The following ETV1 variants were observed in gnomAD, a reference collection of about 807,000 sequenced individuals.
ETV1 encodes the protein ETS variant transcription factor 1, also known as ETS translocation variant 1.
A neutral mutation model predicts 62.3 loss-of-function variants in ETV1; 27 were observed. The observed-to-expected ratio is 0.43, with a 90% CI of 0.32 to 0.60. The LOEUF (loss-of-function observed/expected upper bound fraction) is 0.60. ETV1 is among the 20% of genes least tolerant of loss of function. The pLI, the probability that ETV1 is intolerant of heterozygous loss-of-function variation, is 0.06. For synonymous variants in ETV1, 222 were observed against 199.6 expected, an observed-to-expected ratio of 1.11 and a Z score of -0.94; for missense variants, 605 against 605.8, an observed-to-expected ratio of 1.00 and a Z score of 0.01.
At chr7:13,949,301 C>T (rs1251117314) in intron 6 of ETV1, among the ~76,000 whole-genome samples, 4 of 152,144 alleles carry the variant, frequency 2.6e-5, no homozygotes, top group African/African-American at 2.4e-5. Flanking sequence ...TAGGAATACA[C>T]TCAGTAGATG....
chr7:13,977,250 C>G (rs999408228), intron 6 of ETV1, among the ~76,000 whole-genome samples, 177 bp downstream of exon 6: 1 of 152,178 alleles, frequency 6.6e-6, no homozygotes, highest in Non-Finnish European at 1.5e-5. Flanking sequence ...CTGCTCAAAA[C>G]AGAGTTTCTG....
intron 11 of ETV1, among the ~76,000 whole-genome samples, chr7:13,908,567 A>G (rs1257777315): frequency 6.6e-6 from 1 of 152,120 alleles, no homozygotes; most frequent in Non-Finnish European, 1.5e-5. Flanking sequence ...GTAGAATAAA[A>G]CCAAAAATGT....
chr7:13,921,535 A>C (rs1319363079), intron 9 of ETV1, among the ~76,000 whole-genome samples: 2 of 152,214 alleles, frequency 1.3e-5, no homozygotes, highest in Non-Finnish European at 2.9e-5. Context: ...TGCAGTAAAC[A>C]GTCCCTGTGT....
In ETV1 at chr7:13,894,016, C is replaced by T. The variant is rs1018153884; in HGVS notation, c.*1850G>A. The T allele has an allele frequency of 8.6e-6, 2 of 232,854 alleles. No individual in the cohort carries two copies. The highest frequency in any genetic ancestry group is 2.2e-5 in the African/African-American group (1 of 45,340). 14.4% of individuals were successfully genotyped at this position (232,854 alleles called of 1,614,324 possible). Reference sequence around the variant, plus strand: ...TTTTGGTGTTTGGGTTTCTTGATAACTGCTCCACTTAGAGAAATGAGCTGT... The same window carrying T: ...TTTTGGTGTTTGGGTTTCTTGATAATTGCTCCACTTAGAGAAATGAGCTGT... On this transcript the variant is annotated 3_prime_UTR_variant, in exon 14 of 14. Transcript: ENST00000430479.
At chr7:13,943,162 A>G (rs1312874539) in intron 6 of ETV1, among the ~76,000 whole-genome samples, 1 of 152,226 alleles carries the variant, frequency 6.6e-6, no homozygotes, top group Non-Finnish European at 1.5e-5. Flanking sequence ...ATGGGCAAAA[A>G]GTCTTGAAAC....
At chr7:13,909,573 C>T (rs576738744) in intron 11 of ETV1, 59 bp downstream of exon 11, 24 of 1,221,874 alleles carry the variant, frequency 2.0e-5, no homozygotes, top group Admixed American at 1.1e-4. Flanking sequence ...TCAGAAGAAG[C>T]GAAGGTAATC....
At chr7:13,954,673 C>T (rs1320812772) in intron 6 of ETV1, among the ~76,000 whole-genome samples, 3 of 152,098 alleles carry the variant, frequency 2.0e-5, no homozygotes, top group Non-Finnish European at 4.4e-5. Flanking sequence ...TTTGAATGGT[C>T]TTAAATTGAC....
intron 9 of ETV1, among the ~76,000 whole-genome samples, chr7:13,922,385 T>A (rs1473086122): frequency 1.3e-5 from 2 of 152,144 alleles, no homozygotes; most frequent in African/African-American, 2.4e-5. Flanking sequence ...ATCCCAGCAA[T>A]AATACAATTT....
At chr7:13,903,700 T>C (rs1454357901) in intron 12 of ETV1, among the ~76,000 whole-genome samples, 5 of 149,084 alleles carry the variant, frequency 3.4e-5, no homozygotes, top group African/African-American at 7.5e-5. Flanking sequence ...GAGGCAGAGA[T>C]TGCAGTGAGC....
At chr7:13,988,886 C>T (rs1782810698) in intron 3 of ETV1, 122 bp downstream of exon 3, 1 of 1,552,662 alleles carries the variant, frequency 6.4e-7, no homozygotes, top group Non-Finnish European at 8.8e-7. Context: ...CCTACAGTGG[C>T]AACAAAGCAG....
chr7:13,938,983 A>T, intron 7 of ETV1, 134 bp downstream of exon 7: 1 of 794,706 alleles, frequency 1.3e-6, no homozygotes, highest in Non-Finnish European at 2.0e-6. Context: ...GAGTTCTGCT[A>T]AATGCATTAC....
At chr7:13,927,816 C>G (rs939773898) in intron 9 of ETV1, among the ~76,000 whole-genome samples, 1 of 152,096 alleles carries the variant, frequency 6.6e-6, no homozygotes, top group Non-Finnish European at 1.5e-5. Context: ...TAAATCCTGT[C>G]AGAAAGATAC....
intron 6 of ETV1, among the ~76,000 whole-genome samples, chr7:13,948,497 T>A (rs1788425412): frequency 6.6e-6 from 1 of 152,208 alleles, no homozygotes; most frequent in African/African-American, 2.4e-5. Context: ...TTTAGAATAG[T>A]CTTCTGTATG....
chr7:13,896,132 G>C (rs774755435), intron 13 of ETV1, 45 bp from the exon 14 acceptor site: 4 of 1,518,832 alleles, frequency 2.6e-6, no homozygotes, highest in South Asian at 2.3e-5. Context: ...ACCATCGCCA[G>C]ATGGGGAAGG....
At position 13,891,642 on chromosome 7, in the gene ETV1, A is replaced by G. The variant is rs1348375062; in HGVS notation, c.*4224T>C. 4.3e-6 allele frequency: 1 copy of G among 231,814 alleles called. No individual in the cohort carries two copies. Among genetic ancestry groups the G allele is most frequent in the African/African-American group, 2.2e-5 (1 of 45,270 alleles). The allele number at this position is 231,814 out of a possible 1,614,324, so 14.4% of individuals were successfully genotyped here. A position where few individuals can be genotyped will look rare whatever the true frequency, so the allele number is the denominator to read the frequency against. On this transcript the variant is annotated 3_prime_UTR_variant, in exon 14 of 14. Transcript: ENST00000430479. ...AAAGAAGTCCTAAAAGTACTAGTTGAGCTCTGAATAAACTGGGTGAAATTT... is the reference window on the plus strand; with the variant it reads ...AAAGAAGTCCTAAAAGTACTAGTTGGGCTCTGAATAAACTGGGTGAAATTT...
At chr7:13,972,448 G>C (rs185187083) in intron 6 of ETV1, among the ~76,000 whole-genome samples, 1 of 152,168 alleles carries the variant, frequency 6.6e-6, no homozygotes, top group East Asian at 1.9e-4. Context: ...AAATAAGATT[G>C]AAAATATAAC....
chr7:13,911,443 A>T lies in ETV1; in HGVS notation c.803-136T>A, dbSNP rs555425143. The T allele has an allele frequency of 6.5e-6, 4 of 613,014 alleles. No individual in the cohort carries two copies. The African/African-American group carries it at 7.3e-5, about 11-fold the overall frequency. 38.0% of individuals were successfully genotyped at this position (613,014 alleles called of 1,614,324 possible). On this transcript the variant is annotated intron_variant, in intron 9 of 13. Transcript: ENST00000430479. ...TGGGGAACATGTCAACATATAATCAACATTTCAGGCAGGGCCCACACATGA... is the reference window on the plus strand; with the variant it reads ...TGGGGAACATGTCAACATATAATCATCATTTCAGGCAGGGCCCACACATGA...
At chr7:13,942,275 G>A (rs1050331091) in intron 6 of ETV1, among the ~76,000 whole-genome samples, 3 of 151,916 alleles carry the variant, frequency 2.0e-5, no homozygotes, top group South Asian at 2.1e-4. Flanking sequence ...CGCCTGCCTC[G>A]GCCTCCCAAA....
chr7:13,939,160 G>C lies in ETV1; in HGVS notation c.322C>G (p.Pro108Ala). The change falls in exon 7 of 14, where the codon CCC becomes GCC. Residue 108 changes from proline (P) to alanine (A), a missense_variant. Coordinates refer to ENST00000430479, the MANE Select transcript of ETV1 (RefSeq NM_004956.5). ...TTTTCTCCATAGCTGAATTTAAAGG[G>C]CTGTTCTTGACTGCAGGCAGAGCTG... ...EISSACSQEQ[P>A]FKFSYGEKCL... The C allele has an allele frequency of 6.2e-7, 1 of 1,613,300 alleles. No individual in the cohort carries two copies. Among genetic ancestry groups the C allele is most frequent in the Non-Finnish European group, 8.5e-7 (1 of 1,179,658 alleles).
Sources: allele counts gnomAD v4.1 joint callset (sites outside exome capture counted in the v4.1 genomes callset), GRCh38; gene constraint gnomAD v4.1.1; transcripts MANE v1.5; gene names NCBI Gene and HGNC (gene_info 2026-07-23, HGNC 2026-07-21).